The following IGFL2 variants were observed in gnomAD, a reference collection of about 807,000 sequenced individuals.
The protein encoded by IGFL2 is IGF like family member 2, also known as insulin growth factor-like family member 2.
Under a neutral mutation model 13.9 loss-of-function variants are expected in IGFL2, and 7 were observed. That is an observed-to-expected ratio of 0.51 (90% CI 0.29 to 0.95). The LOEUF is 0.95. Ranked by LOEUF, IGFL2 falls within the 40% of genes least tolerant of loss-of-function variation. IGFL2 has a pLI of 0.08. For synonymous variants in IGFL2, 55 were observed against 55.8 expected (o/e 0.99, Z 0.07); for missense variants, 138 against 147.8 (o/e 0.93, Z 0.34).
the IGFL2 span, among the ~76,000 whole-genome samples, chr19:46,134,710 A>G: frequency 1.3e-5 from 2 of 152,236 alleles, no homozygotes; most frequent in Non-Finnish European, 2.9e-5. Flanking sequence ...ACAGGAGGCT[A>G]TGCTTAGGCA....
chr19:46,206,324 C>G, the IGFL2 span, among the ~76,000 whole-genome samples: 1 of 152,266 alleles, frequency 6.6e-6, no homozygotes, highest in Non-Finnish European at 1.5e-5. Flanking sequence ...AACTCCAGCC[C>G]TGCCCTCAGG....
chr19:46,206,673 C>CTG, the IGFL2 span: 8 of 152,230 alleles, frequency 5.3e-5, no homozygotes, highest in African/African-American at 1.9e-4. Context: ...GAATAAGACA[C>CTG]TGTGCCATGC....
At chr19:46,203,413 C>T in the IGFL2 span, 5 of 152,792 alleles carry the variant, frequency 3.3e-5, no homozygotes, top group African/African-American at 9.6e-5. Flanking sequence ...CACCCCGGTA[C>T]AGTTGGCCAG....
chr19:46,193,546 A>C, the IGFL2 span, among the ~76,000 whole-genome samples: 2 of 152,160 alleles, frequency 1.3e-5, no homozygotes, highest in South Asian at 4.1e-4. Context: ...GCTTCCTTTC[A>C]GTAAAAAGAT....
At chr19:46,153,706 G>A (rs1040449643) in intron 1 of IGFL2, among the ~76,000 whole-genome samples, 2 of 151,610 alleles carry the variant, frequency 1.3e-5, no homozygotes, top group African/African-American at 2.4e-5. Flanking sequence ...TCTCCAGAGG[G>A]TGCAGCCTTG....
At chr19:46,109,375 C>T in the IGFL2 span, among the ~76,000 whole-genome samples, 1 of 150,862 alleles carries the variant, frequency 6.6e-6, no homozygotes, top group East Asian at 2.0e-4. Flanking sequence ...AGTGCAGTGG[C>T]GCAATCTTGG....
intron 1 of IGFL2, chr19:46,159,110 A>G (rs1973989874): frequency 6.6e-6 from 1 of 152,204 alleles, no homozygotes; most frequent in Non-Finnish European, 1.5e-5. Flanking sequence ...CCATGAAAAA[A>G]TCGCAGCTGT....
the IGFL2 span, among the ~76,000 whole-genome samples, chr19:46,116,892 C>T: frequency 2.6e-5 from 4 of 152,084 alleles, no homozygotes; most frequent in Non-Finnish European, 5.9e-5. Context: ...TCGAATTTAA[C>T]TTATATTAAA....
At chr19:46,175,930 C>T in the IGFL2 span, among the ~76,000 whole-genome samples, 1 of 150,936 alleles carries the variant, frequency 6.6e-6, no homozygotes, top group Non-Finnish European at 1.5e-5. Flanking sequence ...GCAACCTCCA[C>T]CTCCCTGGTT....
At chr19:46,124,074 G>A in the IGFL2 span, 1 of 1,611,436 alleles carries the variant, frequency 6.2e-7, no homozygotes, top group African/African-American at 1.4e-5. Flanking sequence ...CATCATAACA[G>A]CACTGCTCTG....
chr19:46,146,272 G>T (rs938243004), upstream of IGFL2, among the ~76,000 whole-genome samples: 1 of 151,848 alleles, frequency 6.6e-6, no homozygotes, highest in South Asian at 2.1e-4. Context: ...ATTTGTTTGG[G>T]TTTATTTCTG....
At chr19:46,093,572 A>G in the IGFL2 span, among the ~76,000 whole-genome samples, 6 of 152,176 alleles carry the variant, frequency 3.9e-5, no homozygotes, top group African/African-American at 1.4e-4. Context: ...GCAAAAACGC[A>G]TGCAGATTGG....
At chr19:46,096,681 G>T in the IGFL2 span, among the ~76,000 whole-genome samples, 8 of 151,930 alleles carry the variant, frequency 5.3e-5, no homozygotes, top group Non-Finnish European at 4.4e-5. Flanking sequence ...CTTATTTTGA[G>T]CTATGTTTTA....
the IGFL2 span, among the ~76,000 whole-genome samples, chr19:46,192,839 T>C: frequency 6.6e-6 from 1 of 152,212 alleles, no homozygotes; most frequent in South Asian, 2.1e-4. Flanking sequence ...ATCTCCACTT[T>C]CACTTTGGCG....
chr19:46,159,259 A>G (rs1471294881), intron 1 of IGFL2: 4 of 152,300 alleles, frequency 2.6e-5, no homozygotes, highest in African/African-American at 9.6e-5. Context: ...TGAAACTTCT[A>G]AGGATACAGT....
the IGFL2 span, among the ~76,000 whole-genome samples, chr19:46,211,906 C>T: frequency 6.6e-6 from 1 of 152,060 alleles, no homozygotes; most frequent in African/African-American, 2.4e-5. Flanking sequence ...AGCAGCTTCC[C>T]TACTTCTATT....
chr19:46,112,298 C>T, the IGFL2 span, among the ~76,000 whole-genome samples: 1 of 152,204 alleles, frequency 6.6e-6, no homozygotes, highest in Non-Finnish European at 1.5e-5. Flanking sequence ...ACCACCACCA[C>T]CACCTGAGGG....
chr19:46,170,775 C>T, the IGFL2 span, among the ~76,000 whole-genome samples: 1 of 152,152 alleles, frequency 6.6e-6, no homozygotes, highest in South Asian at 2.1e-4. Context: ...CCTGCAGCAC[C>T]CCCAGGCTTG....
the IGFL2 span, chr19:46,136,755 A>T: frequency 2.0e-5 from 12 of 598,788 alleles, no homozygotes; most frequent in Non-Finnish European, 3.5e-5. Flanking sequence ...TTAAGCTGTA[A>T]GTTTCGGCTG....
Sources: allele counts gnomAD v4.1 joint callset (sites outside exome capture counted in the v4.1 genomes callset), GRCh38; gene constraint gnomAD v4.1.1; transcripts MANE v1.5; gene names NCBI Gene and HGNC (gene_info 2026-07-23, HGNC 2026-07-21).